The following MXRA7 variants were observed in gnomAD, a reference collection of about 807,000 sequenced individuals.
The protein encoded by MXRA7 is matrix remodeling associated 7, also known as matrix-remodeling-associated protein 7.
In MXRA7, 18 loss-of-function variants were observed where a neutral mutation model predicts 17.4. That is an observed-to-expected ratio of 1.03 (90% confidence interval 0.71 to 1.53). The LOEUF (loss-of-function observed/expected upper bound fraction) is 1.53. MXRA7 is among the 40% of genes most tolerant of loss of function. The pLI, the probability that MXRA7 is intolerant of heterozygous loss-of-function variation, is 0.00. For missense variants in MXRA7, 141 were observed against 209.3 expected (o/e 0.67, Z 2.01); for synonymous variants, 70 against 101.7 (o/e 0.69, Z 1.87).
chr17:76,690,001 C>A, intron 1 of MXRA7: 1 of 113,462 alleles, frequency 8.8e-6, no homozygotes, highest in Non-Finnish European at 2.0e-5. Flanking sequence ...CACAGCAAGA[C>A]TGCATCTTAA....
chr17:76,674,343 A>T (rs2076223734), exon 4 of MXRA7: 1 of 152,162 alleles, frequency 6.6e-6, no homozygotes, highest in African/African-American at 2.4e-5. Flanking sequence ...CACTGAAATG[A>T]ATCTCTGTGA....
At chr17:76,698,685 G>T in intron 1 of MXRA7, among the ~76,000 whole-genome samples, 1 of 138,500 alleles carries the variant, frequency 7.2e-6, no homozygotes, top group South Asian at 2.4e-4. Flanking sequence ...TGGGAATGTT[G>T]ATTCCAACCT....
rs1230227671 is a variant in MXRA7 at position 76,710,689 on chromosome 17, A to G, written c.258T>C (p.Pro86=). 4.8e-6 allele frequency: 6 copies of G among 1,242,892 alleles called. 1 individual carries two copies. The highest frequency in any genetic ancestry group is 2.4e-5 in the South Asian group (1 of 42,192). 77.0% of individuals were successfully genotyped at this position (1,242,892 alleles called of 1,614,324 possible). The stretch of plus-strand genomic sequence containing the variant: ...GCCCTTCGGGCTCCCCCGGTCCCGC[A>G]GGCTCCCCGAGCTCCCCCAGCCCCG... ...EPAGLGELGE[P]AGPGEPEGPG... is the part of the protein sequence containing the mutation. Residue 86 remains proline (P), a synonymous_variant, in exon 1 of 4, where the codon CCT becomes CCC. Coordinates refer to ENST00000449428, the MANE Select transcript of MXRA7 (RefSeq NM_198530.4).
intron 1 of MXRA7, among the ~76,000 whole-genome samples, chr17:76,691,697 G>T (rs1348224866): frequency 6.6e-6 from 1 of 152,176 alleles, no homozygotes; most frequent in African/African-American, 2.4e-5. Context: ...GTTCTGTGGA[G>T]TGTTGTGTGC....
rs375157588 is a variant in MXRA7 at position 76,685,178 on chromosome 17, G to C, written c.407-13C>G. On this transcript the variant is annotated splice_polypyrimidine_tract_variant and intron_variant, in intron 2 of 3. Transcript: ENST00000449428. ...GAGAAGCCTTCTCCTGTGGAGGGGG[G>C]ACCCAGTAAGTGCCAGGAGTGCTGT... 2.5e-6 allele frequency: 4 copies of C among 1,605,380 alleles called. No individual in the cohort carries two copies. The highest frequency in any genetic ancestry group is 3.4e-6 in the Non-Finnish European group (4 of 1,172,154).
At chr17:76,683,228 T>TG (rs1457007227) in intron 3 of MXRA7, among the ~76,000 whole-genome samples, 1 of 152,170 alleles carries the variant, frequency 6.6e-6, no homozygotes, top group African/African-American at 2.4e-5. Flanking sequence ...TACTTAGATT[T>TG]GGGGGGCTGT....
chr17:76,684,597 C>T (rs2076360719), intron 3 of MXRA7: 1 of 377,526 alleles, frequency 2.6e-6, no homozygotes, highest in African/African-American at 2.1e-5. Context: ...GCTGCACTGC[C>T]CGGAGCTACA....
chr17:76,700,379 CTCTG>C (rs751721936), intron 1 of MXRA7, among the ~76,000 whole-genome samples: 40 of 152,314 alleles, frequency 2.6e-4, no homozygotes, highest in African/African-American at 6.3e-4. Flanking sequence ...GGTATCCCGT[CTCTG>C]TCTGAACGCT....
intron 1 of MXRA7, among the ~76,000 whole-genome samples, chr17:76,701,066 C>T (rs886112394): frequency 4.6e-5 from 7 of 151,768 alleles, no homozygotes; most frequent in Non-Finnish European, 1.0e-4. Context: ...TGGAATTGCA[C>T]GCGGAGGGCT....
chr17:76,703,256 C>T (rs1182341794), intron 1 of MXRA7, among the ~76,000 whole-genome samples: 3 of 152,126 alleles, frequency 2.0e-5, no homozygotes, highest in Non-Finnish European at 4.4e-5. Flanking sequence ...TCAGGTTGGT[C>T]AGCGGGTTAT....
chr17:76,688,967 C>T (rs2076444925), intron 1 of MXRA7: 1 of 218,616 alleles, frequency 4.6e-6, no homozygotes, highest in Non-Finnish European at 8.9e-6. Flanking sequence ...GGCTCCCTAA[C>T]AAAACACTGA....
chr17:76,693,821 A>G (rs2076503859), intron 1 of MXRA7, among the ~76,000 whole-genome samples: 1 of 152,366 alleles, frequency 6.6e-6, no homozygotes, highest in South Asian at 2.1e-4. Context: ...AGCCTAGGTG[A>G]AAGAGTGAAA....
At chr17:76,694,900 G>C (rs2076517158) in intron 1 of MXRA7, among the ~76,000 whole-genome samples, 1 of 152,162 alleles carries the variant, frequency 6.6e-6, no homozygotes, top group African/African-American at 2.4e-5. Context: ...CCGGGGGCCT[G>C]TAATCCCAGC....
At chr17:76,697,920 G>GT (rs2076549215) in intron 1 of MXRA7, among the ~76,000 whole-genome samples, 1 of 150,924 alleles carries the variant, frequency 6.6e-6, no homozygotes, top group African/African-American at 2.4e-5. Flanking sequence ...AGAAGAGAGG[G>GT]ATAGATAAGG....
At chr17:76,708,112 G>C (rs921294994) in intron 1 of MXRA7, among the ~76,000 whole-genome samples, 1 of 152,188 alleles carries the variant, frequency 6.6e-6, no homozygotes, top group Non-Finnish European at 1.5e-5. Flanking sequence ...CTTTGTCCTT[G>C]GCCAAAGAGG....
At chr17:76,685,020 A>AC (rs1304884972) in intron 3 of MXRA7, 52 bp downstream of exon 3, 18 of 1,476,440 alleles carry the variant, frequency 1.2e-5, no homozygotes, top group Non-Finnish European at 1.6e-5. Context: ...TCAGAGGGGC[A>AC]CCCCCCTCCC....
chr17:76,704,067 C>T (rs1287142143), intron 1 of MXRA7, among the ~76,000 whole-genome samples: 11 of 151,382 alleles, frequency 7.3e-5, no homozygotes, highest in East Asian at 2.0e-4. Flanking sequence ...TGTGCCACTG[C>T]GCTCCAGCCT....
chr17:76,698,890 T>C (rs1014861049), intron 1 of MXRA7, among the ~76,000 whole-genome samples: 19 of 151,922 alleles, frequency 1.3e-4, no homozygotes, highest in African/African-American at 4.6e-4. Flanking sequence ...CCCCGGCTAA[T>C]TTTTGTATTT....
At chr17:76,676,860 A>C, downstream of MXRA7, 1 of 152,668 alleles carries the variant, frequency 6.6e-6, no homozygotes, top group Non-Finnish European at 1.5e-5. Flanking sequence ...GTGAGTCATG[A>C]TGGCACCACT....
Sources: allele counts gnomAD v4.1 joint callset (sites outside exome capture counted in the v4.1 genomes callset), GRCh38; gene constraint gnomAD v4.1.1; transcripts MANE v1.5; gene names NCBI Gene and HGNC (gene_info 2026-07-23, HGNC 2026-07-21).